SRFBP1: variants seen among roughly 807,000 people sequenced by gnomAD.
SRFBP1 encodes serum response factor binding protein 1, also known as serum response factor-binding protein 1.
A neutral mutation model predicts 45.5 loss-of-function variants in SRFBP1; 47 were observed. The ratio of observed to expected loss-of-function variants is 1.03; its 90% CI spans 0.82 to 1.32. The LOEUF is 1.32. Ranked by LOEUF, SRFBP1 falls within the 40% of genes most tolerant of loss-of-function variation. The pLI, the probability that SRFBP1 is intolerant of heterozygous loss-of-function variation, is 0.00. For synonymous variants in SRFBP1, 203 were observed against 166.3 expected (o/e 1.22, Z -1.70); for missense variants, 621 against 484.6 (o/e 1.28, Z -2.64).
At chr5:122,059,235 C>T (rs1298769152) in intron 2 of SRFBP1, among the ~76,000 whole-genome samples, 1 of 152,096 alleles carries the variant, frequency 6.6e-6, no homozygotes, top group Non-Finnish European at 1.5e-5. Context: ...AACAGGGTAA[C>T]TCCCTGTGGA....
At chr5:122,005,666 C>T (rs894105029) in intron 4 of SRFBP1, among the ~76,000 whole-genome samples, 2 of 152,056 alleles carry the variant, frequency 1.3e-5, no homozygotes, top group Non-Finnish European at 2.9e-5. Context: ...ATTATTTCTG[C>T]ATATGGACTT....
intron 2 of SRFBP1, among the ~76,000 whole-genome samples, chr5:122,037,033 G>T (rs943682014): frequency 6.6e-6 from 1 of 151,972 alleles, no homozygotes; most frequent in African/African-American, 2.4e-5. Context: ...CGAGTAGCTG[G>T]GATTACAGGC....
chr5:122,002,894 T>C (rs1186783303), intron 4 of SRFBP1, among the ~76,000 whole-genome samples: 1 of 152,224 alleles, frequency 6.6e-6, no homozygotes, highest in Non-Finnish European at 1.5e-5. Flanking sequence ...TACATTTATG[T>C]AGACTCTCAC....
At chr5:122,076,822 T>C, downstream of SRFBP1, 1 of 1,372,084 alleles carries the variant, frequency 7.3e-7, no homozygotes, top group East Asian at 2.3e-5. Flanking sequence ...GCAGTAGCAG[T>C]CAGAACCAGG....
chr5:122,000,667 C>T (rs1752844287), intron 4 of SRFBP1, among the ~76,000 whole-genome samples: 1 of 151,986 alleles, frequency 6.6e-6, no homozygotes, highest in African/African-American at 2.4e-5. Flanking sequence ...ATATAATGCC[C>T]CATCTCATCC....
downstream of SRFBP1, among the ~76,000 whole-genome samples, chr5:122,030,768 T>A (rs1399013520): frequency 6.6e-6 from 1 of 152,170 alleles, no homozygotes; most frequent in East Asian, 1.9e-4. Context: ...TTTCTATTAC[T>A]CTTTTTAACC....
chr5:122,004,513 T>G (rs532151758), intron 4 of SRFBP1, among the ~76,000 whole-genome samples: 1 of 152,300 alleles, frequency 6.6e-6, no homozygotes, highest in South Asian at 2.1e-4. Context: ...TCATCAGTTG[T>G]AATATTTCCT....
intron 3 of SRFBP1, among the ~76,000 whole-genome samples, chr5:121,988,712 A>G (rs982879773): frequency 2.6e-5 from 4 of 152,222 alleles, no homozygotes; most frequent in Non-Finnish European, 4.4e-5. Context: ...CATTGTTAAC[A>G]TAAACTCTCT....
At chr5:121,990,916 A>G (rs17148678) in intron 3 of SRFBP1, among the ~76,000 whole-genome samples, 3,582 of 152,290 alleles carry the variant, frequency 0.024, 140 homozygotes, top group African/African-American at 0.081. Flanking sequence ...CCAGAAAGCT[A>G]TAATGATTCT....
chr5:122,072,911 G>T (rs1754492146), intron 2 of SRFBP1, among the ~76,000 whole-genome samples: 1 of 152,198 alleles, frequency 6.6e-6, no homozygotes, highest in Non-Finnish European at 1.5e-5. Context: ...CCTTGCACAG[G>T]ACTTGCAGAT....
chr5:122,051,411 A>G (rs1344799334), intron 2 of SRFBP1, among the ~76,000 whole-genome samples: 3 of 149,600 alleles, frequency 2.0e-5, no homozygotes, highest in African/African-American at 4.9e-5. Flanking sequence ...GCCTCCAAGA[A>G]CTTGCTTCAT....
At chr5:121,976,551 C>A (rs1752307084) in intron 3 of SRFBP1, among the ~76,000 whole-genome samples, 1 of 151,662 alleles carries the variant, frequency 6.6e-6, no homozygotes, top group Admixed American at 6.6e-5. Flanking sequence ...TAGGAAGTTA[C>A]AATTTATCTC....
At chr5:122,016,052 CATA>C (rs1473188642) in intron 4 of SRFBP1, among the ~76,000 whole-genome samples, 2 of 152,118 alleles carry the variant, frequency 1.3e-5, no homozygotes, top group African/African-American at 4.8e-5. Flanking sequence ...TACTTTTCTG[CATA>C]ATATTTCTGT....
At chr5:121,967,061 G>A (rs1032326447) in intron 1 of SRFBP1, among the ~76,000 whole-genome samples, 1 of 151,516 alleles carries the variant, frequency 6.6e-6, no homozygotes, top group Admixed American at 6.6e-5. Context: ...CCAGAGTGCT[G>A]GGATTGCAGG....
At chr5:122,000,567 G>C (rs1752841754) in intron 4 of SRFBP1, among the ~76,000 whole-genome samples, 1 of 151,978 alleles carries the variant, frequency 6.6e-6, no homozygotes, top group African/African-American at 2.4e-5. Flanking sequence ...ATAGAATTCT[G>C]TGTTGATAGC....
Position 121,962,021 on chromosome 5 carries a change from C to G in SRFBP1, c.-12C>G, listed in dbSNP as rs1313175642. On this transcript the variant is annotated 5_prime_UTR_variant, in exon 1 of 8. Transcript: ENST00000339397. ...CGTGCAGGCAGCGGCGGATCATATT[C>G]CTTCATCTACCATGGCTCAGCCGGG... 6.2e-7 allele frequency: 1 copy of G among 1,613,936 alleles called. No individual in the cohort carries two copies. The highest frequency in any genetic ancestry group is 1.3e-5 in the African/African-American group (1 of 74,998).
downstream of SRFBP1, among the ~76,000 whole-genome samples, chr5:122,029,916 C>A (rs1028011604): frequency 6.6e-6 from 1 of 152,136 alleles, no homozygotes; most frequent in Non-Finnish European, 1.5e-5. Flanking sequence ...CTCCTATGTC[C>A]TTTTAACATG....
At chr5:122,058,322 A>G (rs1169311987) in intron 2 of SRFBP1, among the ~76,000 whole-genome samples, 4 of 152,116 alleles carry the variant, frequency 2.6e-5, no homozygotes, top group Non-Finnish European at 1.5e-5. Flanking sequence ...TTAATTGGTT[A>G]TTACTGGCTT....
chr5:122,015,598 C>CTT (rs1219220313), intron 4 of SRFBP1, among the ~76,000 whole-genome samples: 1 of 152,208 alleles, frequency 6.6e-6, no homozygotes, highest in Non-Finnish European at 1.5e-5. Context: ...AAATGAATGA[C>CTT]TTTGGCTTTG....
Sources: allele counts gnomAD v4.1 joint callset (sites outside exome capture counted in the v4.1 genomes callset), GRCh38; gene constraint gnomAD v4.1.1; transcripts MANE v1.5; gene names NCBI Gene and HGNC (gene_info 2026-07-23, HGNC 2026-07-21).